PSMD14: variants seen among roughly 807,000 people sequenced by gnomAD.
PSMD14 encodes the protein proteasome 26S subunit, non-ATPase 14.
Under a neutral mutation model 41.2 loss-of-function variants are expected in PSMD14, and 7 were observed. The ratio of observed to expected loss-of-function variants is 0.17; its 90% CI spans 0.10 to 0.32. The LOEUF (loss-of-function observed/expected upper bound fraction) is 0.32. PSMD14 is among the 10% of genes least tolerant of loss of function. The pLI, the probability that PSMD14 is intolerant of heterozygous loss-of-function variation, is 1.00. For missense variants in PSMD14, 139 were observed against 375.6 expected (o/e 0.37, Z 5.21); for synonymous variants, 114 against 122.3 (o/e 0.93, Z 0.45).
chr2:161,348,636 A>G (rs1683077913), intron 3 of PSMD14, among the ~76,000 whole-genome samples: 1 of 152,248 alleles, frequency 6.6e-6, no homozygotes, highest in Non-Finnish European at 1.5e-5. Context: ...CAATTTTAAG[A>G]TACCCAAAAT....
rs777862790 is a variant in PSMD14 at position 161,411,324 on chromosome 2, A to C, written c.857A>C (p.Glu286Ala). ...GKQDPKRHLE[E>A]HVDVLMTSNI... ...TAGGACCCCAAACGTCATTTGGAGGAACATGTGGATGTACTTATGACCTCA... is the reference window on the plus strand; with the variant it reads ...TAGGACCCCAAACGTCATTTGGAGGCACATGTGGATGTACTTATGACCTCA... Residue 286 changes from glutamate to alanine, a missense_variant, in exon 12 of 12, where the codon GAA becomes GCA. Coordinates refer to ENST00000409682, the MANE Select transcript of PSMD14 (RefSeq NM_005805.6). The C allele has an allele frequency of 6.2e-7, 1 of 1,608,228 alleles. No homozygotes were observed. The highest frequency in any genetic ancestry group is 1.1e-5 in the South Asian group (1 of 90,250).
intron 3 of PSMD14, among the ~76,000 whole-genome samples, chr2:161,358,217 G>T (rs1683234144): frequency 6.6e-6 from 1 of 152,018 alleles, no homozygotes; most frequent in African/African-American, 2.4e-5. Flanking sequence ...TGATTGAAGT[G>T]ATTGACACTC....
At chr2:161,358,481 A>C (rs1350323392) in intron 3 of PSMD14, among the ~76,000 whole-genome samples, 1 of 152,192 alleles carries the variant, frequency 6.6e-6, no homozygotes, top group Admixed American at 6.5e-5. Flanking sequence ...GGTGAGGGAT[A>C]AAAACCGTGC....
intron 3 of PSMD14, among the ~76,000 whole-genome samples, chr2:161,363,000 C>A (rs547235055): frequency 6.6e-6 from 1 of 152,162 alleles, no homozygotes; most frequent in Non-Finnish European, 1.5e-5. Flanking sequence ...ATTCAGGTGT[C>A]CTCATATGAG....
At chr2:161,402,096 A>G (rs891322767) in intron 10 of PSMD14, among the ~76,000 whole-genome samples, 11 of 152,168 alleles carry the variant, frequency 7.2e-5, no homozygotes, top group African/African-American at 2.7e-4. Context: ...CAATCAGTAA[A>G]CCATTCTGAC....
At chr2:161,339,354 G>C (rs1682915293) in intron 3 of PSMD14, among the ~76,000 whole-genome samples, 1 of 152,058 alleles carries the variant, frequency 6.6e-6, no homozygotes, top group South Asian at 2.1e-4. Context: ...AATAGTATCT[G>C]ATTGTGGTTT....
At chr2:161,323,346 AT>A (rs1409919772) in intron 3 of PSMD14, among the ~76,000 whole-genome samples, 2 of 151,860 alleles carry the variant, frequency 1.3e-5, no homozygotes, top group Non-Finnish European at 2.9e-5. Flanking sequence ...ACTAAGTTTT[AT>A]TTTTTTTAAT....
At chr2:161,311,826 G>C (rs1241963820) in intron 1 of PSMD14, among the ~76,000 whole-genome samples, 1 of 151,822 alleles carries the variant, frequency 6.6e-6, no homozygotes, top group Non-Finnish European at 1.5e-5. Flanking sequence ...TGTTGGCCAG[G>C]CTGGTCTCAA....
chr2:161,334,362 T>A (rs922279311), intron 3 of PSMD14, among the ~76,000 whole-genome samples: 4 of 151,864 alleles, frequency 2.6e-5, no homozygotes, highest in Non-Finnish European at 5.9e-5. Context: ...AATTATGTAA[T>A]TTTTTTTGAC....
chr2:161,330,879 C>T (rs1682777235), intron 3 of PSMD14, among the ~76,000 whole-genome samples: 1 of 152,288 alleles, frequency 6.6e-6, no homozygotes, highest in Admixed American at 6.5e-5. Flanking sequence ...ATTTTCCCCT[C>T]TTTTTACTCA....
chr2:161,365,999 A>C (rs1218829633), intron 3 of PSMD14, among the ~76,000 whole-genome samples: 1 of 152,094 alleles, frequency 6.6e-6, no homozygotes, highest in African/African-American at 2.4e-5. Flanking sequence ...CCTTTTCCTT[A>C]ATCTTTCTTA....
In PSMD14 at chr2:161,411,569, T is replaced by G. The variant is rs971106940; in HGVS notation, c.*169T>G. On this transcript the variant is annotated 3_prime_UTR_variant, in exon 12 of 12. Transcript: ENST00000409682. ...TCAGTTGTGCAATTACTTCTGTTTC[T>G]TTAGTCAGGGTCTTTGCAGATTCTA... 2 of 399,784 alleles carry G rather than the reference T, an allele frequency of 5.0e-6. No homozygotes were observed. The highest frequency in any genetic ancestry group is 8.8e-6 in the Non-Finnish European group (2 of 226,016). 24.8% of individuals were successfully genotyped at this position (399,784 alleles called of 1,614,324 possible).
chr2:161,336,877 T>G (rs982277416), intron 3 of PSMD14, among the ~76,000 whole-genome samples: 5 of 152,238 alleles, frequency 3.3e-5, no homozygotes, highest in Admixed American at 1.3e-4. Flanking sequence ...GCTCAGCCTA[T>G]GTGTTATTTT....
intron 3 of PSMD14, among the ~76,000 whole-genome samples, chr2:161,322,102 C>T (rs1207171294): frequency 1.3e-5 from 2 of 152,100 alleles, no homozygotes; most frequent in Non-Finnish European, 2.9e-5. Context: ...TGCACTAAGT[C>T]ACAGTGTTAG....
intron 3 of PSMD14, among the ~76,000 whole-genome samples, chr2:161,326,597 G>A (rs1682703085): frequency 6.6e-6 from 1 of 152,172 alleles, no homozygotes; most frequent in African/African-American, 2.4e-5. Context: ...ACAGATGTTT[G>A]TACACCAATA....
intron 1 of PSMD14, among the ~76,000 whole-genome samples, chr2:161,312,026 A>G (rs1297254095): frequency 6.6e-6 from 1 of 152,206 alleles, no homozygotes; most frequent in Non-Finnish European, 1.5e-5. Context: ...GTCCTTAAGA[A>G]AGTGAGAATA....
At chr2:161,366,768 A>T (rs1040023569) in intron 3 of PSMD14, among the ~76,000 whole-genome samples, 1 of 152,212 alleles carries the variant, frequency 6.6e-6, no homozygotes, top group Non-Finnish European at 1.5e-5. Flanking sequence ...GGTGAATGTT[A>T]TAGTCAAGAG....
chr2:161,330,196 GAA>G (rs869219232), intron 3 of PSMD14, among the ~76,000 whole-genome samples: 1 of 152,026 alleles, frequency 6.6e-6, no homozygotes, highest in East Asian at 1.9e-4. Flanking sequence ...GATGAAATAA[GAA>G]AAAATAAAAA....
At position 161,370,089 on chromosome 2, in the gene PSMD14, T is replaced by C. The variant is rs778226513; in HGVS notation, c.241-18T>C. 1 of 1,518,342 alleles carries C rather than the reference T, an allele frequency of 6.6e-7. No homozygotes were observed. Among genetic ancestry groups the C allele is most frequent in the Non-Finnish European group, 8.8e-7 (1 of 1,130,762 alleles). The allele number at this position is 1,518,342 out of a possible 1,614,324, so 94.1% of individuals were successfully genotyped here. A position where few individuals can be genotyped will look rare whatever the true frequency, so the allele number is the denominator to read the frequency against. ...CAAATTTACAAAAATTAATAATTTT[T>C]CTTTCTTTCTAAATCAGGGTGTCAG... On this transcript the variant is annotated intron_variant, in intron 5 of 11. Coordinates refer to ENST00000409682, the MANE Select transcript of PSMD14 (RefSeq NM_005805.6).
Sources: gnomAD v4.1 joint callset for allele counts (sites outside exome capture counted in the v4.1 genomes callset) on GRCh38, gnomAD v4.1.1 for gene constraint, MANE v1.5 for transcripts, NCBI Gene and HGNC (gene_info 2026-07-23, HGNC 2026-07-21) for gene names.